SLC37A2: variants seen among roughly 807,000 people sequenced by gnomAD.
SLC37A2 encodes the protein solute carrier family 37 member 2, also known as glucose-6-phosphate exchanger SLC37A2.
A neutral mutation model predicts 70.7 loss-of-function variants in SLC37A2; 59 were observed. The observed-to-expected ratio is 0.83, with a 90% CI of 0.68 to 1.04. The LOEUF is 1.04. SLC37A2 is among the 50% of genes least tolerant of loss of function. The pLI, the probability that SLC37A2 is intolerant of heterozygous loss-of-function variation, is 0.00. For missense variants in SLC37A2, 580 were observed against 658.1 expected, an observed-to-expected ratio of 0.88 and a Z score of 1.30; for synonymous variants, 257 against 262.1, an observed-to-expected ratio of 0.98 and a Z score of 0.19.
Position 125,063,489 on chromosome 11 carries a change from C to CG in SLC37A2, c.59+69dup. The CG allele has an allele frequency of 3.4e-6, 5 of 1,466,000 alleles. No individual in the cohort carries two copies. The highest frequency in any genetic ancestry group is 4.7e-6 in the Non-Finnish European group (5 of 1,071,844). 90.8% of individuals were successfully genotyped at this position (1,466,000 alleles called of 1,614,324 possible). ...CTGGGCTCGGGGCTTGCAGGGGCCG[C>CG]GGGGGGCCTCGGAGATCACCCCAGA... On this transcript the variant is annotated intron_variant, in intron 1 of 17. Transcript: ENST00000403796. This position sits in a 1 kb window ranked among gnomAD's most constrained non-coding sequence, Gnocchi z 5.4.
chr11:125,069,811 T>C (rs552338980), intron 1 of SLC37A2, among the ~76,000 whole-genome samples: 3 of 152,272 alleles, frequency 2.0e-5, no homozygotes, highest in Non-Finnish European at 4.4e-5. Context: ...GCGGAGTTTC[T>C]GTCCAGGAAG....
rs372040365 is a variant in SLC37A2 at position 125,081,406 on chromosome 11, G to A, written c.695-15G>A. On this transcript the variant is annotated splice_polypyrimidine_tract_variant and intron_variant, in intron 7 of 17. Coordinates refer to ENST00000403796, the MANE Select transcript of SLC37A2 (RefSeq NM_001145290.2). ...GGGGTTGGGAAACTTCTTAGAAAGC[G>A]ATTTTTTTTTCTAGACCCAGAAGAT... The A allele has an allele frequency of 6.2e-6, 10 of 1,602,730 alleles. No individual in the cohort carries two copies. The highest frequency in any genetic ancestry group is 5.4e-5 in the African/African-American group (4 of 74,410).
At position 125,088,146 on chromosome 11, in the gene SLC37A2, G is replaced by A. The variant is rs747103775; in HGVS notation, c.*12G>A. The stretch of plus-strand genomic sequence containing the variant: ...ATAAAGAAATATGAGGCCCCAATTG[G>A]AACAGCAGCATGGAGGGTCCCAGTT... On this transcript the variant is annotated 3_prime_UTR_variant, in exon 18 of 18. Coordinates refer to ENST00000403796, the MANE Select transcript of SLC37A2 (RefSeq NM_001145290.2). 9 of 1,551,582 alleles carry A rather than the reference G, an allele frequency of 5.8e-6. No individual in the cohort carries two copies. The African/African-American group carries it at 1.2e-4, about 21-fold the overall frequency.
chr11:125,085,697 A>T (rs756581024), intron 16 of SLC37A2, 23 bp downstream of exon 16: 4 of 1,606,772 alleles, frequency 2.5e-6, no homozygotes, highest in Non-Finnish European at 1.7e-6. Context: ...GGGTACACAG[A>T]TAGGTATTGA....
chr11:125,072,678 C>T (rs945225116), intron 1 of SLC37A2, among the ~76,000 whole-genome samples: 9 of 152,338 alleles, frequency 5.9e-5, no homozygotes, highest in Admixed American at 3.9e-4. Flanking sequence ...GGAAGGAGTG[C>T]GTCAGCTGCC....
Position 125,076,808 on chromosome 11 carries a change from C to T in SLC37A2, c.111C>T (p.His37=). 1 of 1,614,174 alleles carries T rather than the reference C, an allele frequency of 6.2e-7. No individual in the cohort carries two copies. Among genetic ancestry groups the T allele is most frequent in the Non-Finnish European group, 8.5e-7 (1 of 1,180,024 alleles). ...LLTFLIYACY[H]MSRKPISIVK... ...CCTTCCTAATTTACGCCTGCTATCA[C>T]ATGTCCAGGAAGCCTATCAGTATCG... is the stretch of plus-strand genomic sequence containing the variant. Residue 37 remains histidine (H), a synonymous_variant, in exon 2 of 18, where the codon CAC becomes CAT. Coordinates refer to ENST00000403796, the MANE Select transcript of SLC37A2 (RefSeq NM_001145290.2).
At chr11:125,085,231 C>A (rs1169076393) in intron 14 of SLC37A2, 92 bp downstream of exon 14, 2 of 1,391,074 alleles carry the variant, frequency 1.4e-6, no homozygotes. Context: ...GTCTCCCATC[C>A]CGCAGAGGAG....
At chr11:125,085,820 G>T in intron 16 of SLC37A2, 134 bp from the exon 17 acceptor site, 1 of 1,235,314 alleles carries the variant, frequency 8.1e-7, no homozygotes, top group Non-Finnish European at 1.2e-6. Flanking sequence ...TCCCTCCCCC[G>T]AGTGACCCCT....
intron 1 of SLC37A2, among the ~76,000 whole-genome samples, chr11:125,075,385 A>G (rs1007707073): frequency 1.4e-4 from 22 of 152,352 alleles, no homozygotes; most frequent in South Asian, 8.3e-4. Flanking sequence ...TGTGACAGGC[A>G]CTTGGAGTAG....
chr11:125,082,257 T>A lies in SLC37A2; in HGVS notation c.899T>A (p.Phe300Tyr), dbSNP rs199996860. The A allele has an allele frequency of 6.2e-7, 1 of 1,613,874 alleles. No individual in the cohort carries two copies. Residue 300 changes from phenylalanine to tyrosine, a missense_variant, in exon 10 of 18, where the codon TTC (phenylalanine) becomes TAC (tyrosine). By Grantham distance (22) the Phe-to-Tyr change is conservative. Coordinates refer to ENST00000403796, the MANE Select transcript of SLC37A2 (RefSeq NM_001145290.2). ...GALRIPGVVE[F>Y]SLCLLFAKLV... The stretch of plus-strand genomic sequence containing the variant: ...TGCACTCCCCAGGGCGTGGTCGAGT[T>A]CTCTCTGTGTCTGCTGTTTGCCAAG...
chr11:125,076,924 C>T (rs868770230), intron 2 of SLC37A2, 86 bp downstream of exon 2: 2 of 1,294,504 alleles, frequency 1.5e-6, no homozygotes, highest in Middle Eastern at 1.8e-4. Context: ...GAGGTTGCAC[C>T]TTCACCTGGC....
chr11:125,066,821 A>G (rs1214485270), intron 1 of SLC37A2, among the ~76,000 whole-genome samples: 1 of 152,220 alleles, frequency 6.6e-6, no homozygotes, highest in Non-Finnish European at 1.5e-5. Flanking sequence ...AACTAAAGAT[A>G]TTCAGTAAGC....
At chr11:125,064,977 G>T (rs1054795515) in intron 1 of SLC37A2, among the ~76,000 whole-genome samples, 11 of 152,172 alleles carry the variant, frequency 7.2e-5, no homozygotes, top group Non-Finnish European at 1.5e-4. Context: ...ATTTTAAAAA[G>T]AGAATCTAAA....
chr11:125,076,681 C>T lies in SLC37A2; in HGVS notation c.60-76C>T, dbSNP rs527877172. ...GGCCCTGGGACTGCCAGAGGGGACA[C>T]GGGTCAGGGATGCCGGCCCAGAACT... On this transcript the variant is annotated intron_variant, in intron 1 of 17. Transcript: ENST00000403796. 7.2e-5 allele frequency: 98 copies of T among 1,361,366 alleles called. No individual in the cohort carries two copies. The African/African-American group carries it at 8.7e-4, about 12-fold the overall frequency. The allele number at this position is 1,361,366 out of a possible 1,614,324, so 84.3% of individuals were successfully genotyped here.
intron 17 of SLC37A2, chr11:125,087,781 C>T (rs747462943): frequency 1.5e-4 from 32 of 216,358 alleles, no homozygotes; most frequent in Non-Finnish European, 2.5e-4. Context: ...CACAGGCATG[C>T]GCCACCACGC....
chr11:125,082,740 G>A (rs141703791), intron 10 of SLC37A2, among the ~76,000 whole-genome samples: 1 of 152,122 alleles, frequency 6.6e-6, no homozygotes, highest in Admixed American at 6.5e-5. Context: ...AAGAGGGCCT[G>A]GTGAGTGACC....
Position 125,079,731 on chromosome 11 carries a change from C to T in SLC37A2, c.498C>T (p.Thr166=). 1.9e-6 allele frequency: 3 copies of T among 1,610,298 alleles called. No homozygotes were observed. Among genetic ancestry groups the T allele is most frequent in the East Asian group, 2.2e-5 (1 of 44,826 alleles). The stretch of plus-strand genomic sequence containing the variant: ...CCACAGGCTGGCCCTCTGTGGTGAC[C>T]TGTGTTGGCAACTGGTTCGGGAAGG... The part of the protein sequence containing the change: ...VQTTGWPSVV[T]CVGNWFGKGK... Residue 166 remains threonine (T), a synonymous_variant, in exon 6 of 18, where the codon ACC becomes ACT. Transcript: ENST00000403796.
chr11:125,080,835 A>G lies in SLC37A2; in HGVS notation c.694+55A>G. Reference sequence around the variant, plus strand: ...AGCCTAGAAGTTCTCGGTTTCTGGGAGAAGGCAGCTGGATCTACTGGAAAG... The same window carrying G: ...AGCCTAGAAGTTCTCGGTTTCTGGGGGAAGGCAGCTGGATCTACTGGAAAG... On this transcript the variant is annotated intron_variant, in intron 7 of 17. Transcript: ENST00000403796. This position sits in a 1 kb window ranked among gnomAD's most constrained non-coding sequence, Gnocchi z 4.3. The G allele has an allele frequency of 7.5e-7, 1 of 1,334,098 alleles. No homozygotes were observed. The highest frequency in any genetic ancestry group is 1.5e-5 in the African/African-American group (1 of 66,656). The allele number at this position is 1,334,098 out of a possible 1,614,324, so 82.6% of individuals were successfully genotyped here.
intron 1 of SLC37A2, among the ~76,000 whole-genome samples, chr11:125,073,481 G>C (rs78232361): frequency 0.028 from 4,273 of 152,330 alleles, 201 homozygotes; most frequent in African/African-American, 0.097. Flanking sequence ...TAACAGAGCA[G>C]TGTGGGCCGC....
Sources: allele counts gnomAD v4.1 joint callset (sites outside exome capture counted in the v4.1 genomes callset), GRCh38; gene constraint gnomAD v4.1.1; non-coding constraint Gnocchi (gnomAD v3.1); transcripts MANE v1.5; gene names NCBI Gene and HGNC (gene_info 2026-07-23, HGNC 2026-07-21).